Variants in CTNNA2 observed in about 807,000 individuals in gnomAD.
CTNNA2 encodes the protein catenin alpha-2.
In CTNNA2, 42 loss-of-function variants were observed where a neutral mutation model predicts 101.0. The observed-to-expected ratio is 0.42, with a 90% CI of 0.32 to 0.54. CTNNA2 has a LOEUF of 0.54. Among genes scored for constraint, CTNNA2 ranks in the 20% least tolerant of loss-of-function variants. The pLI, the probability that CTNNA2 is intolerant of heterozygous loss-of-function variation, is 0.14. For missense variants in CTNNA2, 871 were observed against 1,223.1 expected (o/e 0.71, Z 4.29); for synonymous variants, 450 against 456.4 (o/e 0.99, Z 0.18).
intron 7 of CTNNA2, among the ~76,000 whole-genome samples, chr2:80,346,944 T>C (rs718467): frequency 0.4 from 60,128 of 152,110 alleles, 14,582 homozygotes; most frequent in African/African-American, 0.69. Context: ...AGGAAAATGG[T>C]CTCTGTGAAT....
intron 3 of CTNNA2, among the ~76,000 whole-genome samples, chr2:79,351,777 T>G (rs1181171224): frequency 6.6e-6 from 1 of 152,236 alleles, no homozygotes; most frequent in Non-Finnish European, 1.5e-5. Flanking sequence ...TTATACTTTT[T>G]GTGGCTGTGT....
chr2:79,390,042 C>T (rs937620384), intron 4 of CTNNA2, among the ~76,000 whole-genome samples: 9 of 152,164 alleles, frequency 5.9e-5, no homozygotes, highest in Admixed American at 2.0e-4. Context: ...CTTGGAAGTG[C>T]ACCTGTTTAT....
intron 9 of CTNNA2, among the ~76,000 whole-genome samples, chr2:80,522,454 GTTGCA>G (rs1349931025): frequency 8.5e-5 from 13 of 152,290 alleles, no homozygotes; most frequent in Non-Finnish European, 1.6e-4. Context: ...AACTGTGACC[GTTGCA>G]TTGAAGGGGT....
chr2:80,033,972 TAAAAA>T (rs70940069), intron 7 of CTNNA2, among the ~76,000 whole-genome samples: 1 of 84,230 alleles, frequency 1.2e-5, no homozygotes, highest in Non-Finnish European at 2.2e-5. Context: ...GCTTATAATG[TAAAAA>T]AAAAAAAAAA....
chr2:80,043,181 CCTTT>C lies in CTNNA2; in HGVS notation c.1056+133399_1056+133402del, dbSNP rs1413736347. ...TCCTTCCTTCCTTCCTTCCTTCCTT[CCTTT>C]CTTTCTTTCTTTCTCTCTCTCTTTT... On this transcript the variant is annotated intron_variant, in intron 7 of 18. Transcript: ENST00000402739. 6.1e-4 allele frequency among the ~76,000 whole-genome samples: 40 copies of C among 65,766 alleles called. 1 individual carries two copies. The highest frequency in any genetic ancestry group is 2.6e-3 in the African/African-American group (35 of 13,392). 43.1% of individuals were successfully genotyped at this position (65,766 alleles called of 152,430 possible).
intron 7 of CTNNA2, among the ~76,000 whole-genome samples, chr2:79,923,472 G>A (rs1255662266): frequency 6.6e-6 from 1 of 152,006 alleles, no homozygotes. Context: ...AGTAATAATT[G>A]TATATATTTA....
intron 2 of CTNNA2, among the ~76,000 whole-genome samples, chr2:79,226,390 T>G (rs185087866): frequency 6.4e-4 from 98 of 152,200 alleles, no homozygotes; most frequent in African/African-American, 2.2e-3. Flanking sequence ...CACAAGGTCG[T>G]GTATGTAAAG....
chr2:80,003,235 G>T (rs759917407), intron 7 of CTNNA2, among the ~76,000 whole-genome samples: 9 of 152,070 alleles, frequency 5.9e-5, no homozygotes, highest in Non-Finnish European at 1.3e-4. Flanking sequence ...TTTTTAGGAG[G>T]ATTCATCTTT....
In CTNNA2 at chr2:79,668,970, T is replaced by C. The variant is rs139496170; in HGVS notation, c.102+17312T>C. On this transcript the variant is annotated intron_variant, in intron 2 of 18. Transcript: ENST00000402739. ...GAAAGGTGGATGTAGTTTTTGCAAG[T>C]CTCACCTTCAACCACTGTGTGCTAA... is the stretch of plus-strand genomic sequence containing the variant. Among the ~76,000 whole-genome samples the C allele has an allele frequency of 3.5e-3, 532 of 152,324 alleles. 12 individuals carry two copies. The East Asian group carries it at 0.047, about 14-fold the overall frequency.
chr2:79,208,520 A>T (rs1301530068), intron 2 of CTNNA2, among the ~76,000 whole-genome samples: 1 of 152,200 alleles, frequency 6.6e-6, no homozygotes, highest in East Asian at 1.9e-4. Flanking sequence ...AAGTATACGT[A>T]CTTGGAATTG....
chr2:80,578,551 T>A (rs1695261552), intron 13 of CTNNA2, among the ~76,000 whole-genome samples: 1 of 152,136 alleles, frequency 6.6e-6, no homozygotes, highest in African/African-American at 2.4e-5. Context: ...GGAGACACAC[T>A]CACATGCAAT....
chr2:80,195,446 A>G (rs1046874504), intron 7 of CTNNA2, among the ~76,000 whole-genome samples: 6 of 152,288 alleles, frequency 3.9e-5, no homozygotes, highest in African/African-American at 9.6e-5. Flanking sequence ...AAACAATTCC[A>G]TGTGAGCAAG....
At chr2:80,558,685 A>G (rs1693276344) in intron 12 of CTNNA2, among the ~76,000 whole-genome samples, 2 of 152,066 alleles carry the variant, frequency 1.3e-5, no homozygotes, top group South Asian at 4.2e-4. Flanking sequence ...ATGTGAATCT[A>G]TCAAATTTTG....
At chr2:79,364,720 A>T (rs1034588858) in intron 3 of CTNNA2, among the ~76,000 whole-genome samples, 13 of 152,200 alleles carry the variant, frequency 8.5e-5, no homozygotes, top group African/African-American at 3.1e-4. Context: ...GAGAAAATGT[A>T]GCCTCATTCT....
At position 79,347,430 on chromosome 2, in the gene CTNNA2, G is replaced by A. The variant is rs114662777; in HGVS notation, c.-317-26401G>A. On this transcript the variant is annotated intron_variant, in intron 3 of 21. Transcript: ENST00000466387. ...ATAATAGTACTTTACTTAAAGGGTT[G>A]TTGGGAGAATTAAATAAAATAAGTC... 4.2e-3 allele frequency among the ~76,000 whole-genome samples: 641 copies of A among 152,300 alleles called. 6 individuals are homozygous for A. The highest frequency in any genetic ancestry group is 0.015 in the African/African-American group (617 of 41,564).
At chr2:79,512,366 T>A (rs549298760), upstream of CTNNA2, among the ~76,000 whole-genome samples, 3 of 152,260 alleles carry the variant, frequency 2.0e-5, no homozygotes, top group East Asian at 5.8e-4. Flanking sequence ...AATATTCCAG[T>A]TGTTTTAACA....
At chr2:79,513,546 T>G (rs1029019571) in intron 1 of CTNNA2, among the ~76,000 whole-genome samples, 1 of 152,038 alleles carries the variant, frequency 6.6e-6, no homozygotes, top group Non-Finnish European at 1.5e-5. Context: ...GAGCATCCCT[T>G]GCCTGCTACA....
chr2:80,480,152 T>C (rs923373550), intron 9 of CTNNA2, among the ~76,000 whole-genome samples: 1 of 152,118 alleles, frequency 6.6e-6, no homozygotes, highest in Non-Finnish European at 1.5e-5. Flanking sequence ...TAATATAATT[T>C]ATAATTTATT....
chr2:79,658,217 C>T lies in CTNNA2; in HGVS notation c.102+6559C>T, dbSNP rs117505512. On this transcript the variant is annotated intron_variant, in intron 2 of 18. Transcript: ENST00000402739. ...ATTGTGGATGCATAGGCTTTAGAGT[C>T]AGAGAGGCTCAATTGTAAATCCTGT... Among the ~76,000 whole-genome samples, 533 of 152,028 alleles carry T rather than the reference C, an allele frequency of 3.5e-3. 11 individuals are homozygous for T. The East Asian group carries it at 0.048, about 14-fold the overall frequency.
Sources: allele counts gnomAD v4.1 joint callset (sites outside exome capture counted in the v4.1 genomes callset), GRCh38; gene constraint gnomAD v4.1.1; transcripts MANE v1.5; gene names NCBI Gene and HGNC (gene_info 2026-07-23, HGNC 2026-07-21).